ADAM10: variants seen among roughly 807,000 people sequenced by gnomAD.
ADAM10 encodes ADAM metallopeptidase domain 10.
Under a neutral mutation model 90.1 loss-of-function variants are expected in ADAM10, and 17 were observed. The observed-to-expected ratio is 0.19, with a 90% CI of 0.13 to 0.28. The LOEUF is 0.28. ADAM10 is among the 10% of genes least tolerant of loss of function. The pLI is 1.00. For synonymous variants in ADAM10, 310 were observed against 298.6 expected, an observed-to-expected ratio of 1.04 and a Z score of -0.40; for missense variants, 610 against 914.3, an observed-to-expected ratio of 0.67 and a Z score of 4.29.
intron 11 of ADAM10, among the ~76,000 whole-genome samples, chr15:58,617,887 C>T (rs1472787823): frequency 6.9e-6 from 1 of 144,656 alleles, no homozygotes; most frequent in African/African-American, 2.7e-5. Flanking sequence ...ATGAAAGAAA[C>T]TGAACAAGTC....
chr15:58,621,933 A>G (rs1327764587), intron 10 of ADAM10, among the ~76,000 whole-genome samples: 1 of 152,166 alleles, frequency 6.6e-6, no homozygotes, highest in East Asian at 1.9e-4. Context: ...TTCTATTCAT[A>G]TCACACAAAT....
intron 9 of ADAM10, among the ~76,000 whole-genome samples, chr15:58,629,813 C>T (rs866846812): frequency 2.1e-4 from 32 of 152,084 alleles, no homozygotes; most frequent in African/African-American, 7.0e-4. Context: ...CACTCTGTCC[C>T]CCAGGCTGGA....
intron 2 of ADAM10, among the ~76,000 whole-genome samples, chr15:58,682,577 GGTAA>G (rs1345709440): frequency 1.3e-5 from 2 of 151,968 alleles, no homozygotes; most frequent in Non-Finnish European, 2.9e-5. Context: ...ATTCTTACAT[GGTAA>G]AACAAGATAT....
chr15:58,727,169 G>A (rs1899059179), intron 1 of ADAM10, among the ~76,000 whole-genome samples: 2 of 136,952 alleles, frequency 1.5e-5, no homozygotes, highest in Admixed American at 1.5e-4. Context: ...TGCCATGCCT[G>A]ACTAATCTTT....
chr15:58,736,402 T>C (rs975996978), intron 1 of ADAM10, among the ~76,000 whole-genome samples: 4 of 151,770 alleles, frequency 2.6e-5, no homozygotes, highest in Admixed American at 1.3e-4. Context: ...ATAAGCCCCA[T>C]GGGAAATCTG....
At chr15:58,646,839 T>A (rs1896559712) in intron 5 of ADAM10, among the ~76,000 whole-genome samples, 1 of 152,192 alleles carries the variant, frequency 6.6e-6, no homozygotes, top group African/African-American at 2.4e-5. Flanking sequence ...TACTTAACTA[T>A]CCAGCTTTTC....
chr15:58,710,051 G>A (rs1252226250), intron 2 of ADAM10, among the ~76,000 whole-genome samples: 1 of 152,162 alleles, frequency 6.6e-6, no homozygotes, highest in African/African-American at 2.4e-5. Flanking sequence ...AGGAGGCCAA[G>A]GCAGGCGGAT....
intron 4 of ADAM10, among the ~76,000 whole-genome samples, chr15:58,675,013 T>C (rs886884393): frequency 1.3e-5 from 2 of 152,124 alleles, no homozygotes; most frequent in Non-Finnish European, 2.9e-5. Flanking sequence ...CTGGCCAACA[T>C]GGTGAAACCC....
intron 1 of ADAM10, chr15:58,749,053 G>A: frequency 2.5e-6 from 1 of 398,942 alleles, no homozygotes; most frequent in Non-Finnish European, 4.4e-6. Flanking sequence ...GAGGAATGGT[G>A]AGCAGGATGA....
At chr15:58,616,924 C>T (rs1423199061) in intron 11 of ADAM10, among the ~76,000 whole-genome samples, 1 of 151,872 alleles carries the variant, frequency 6.6e-6, no homozygotes, top group African/African-American at 2.4e-5. Flanking sequence ...CTGGCTAACA[C>T]GGTGAAACCC....
Position 58,597,075 on chromosome 15 carries a change from G to GT in ADAM10, c.*471dup. On this transcript the variant is annotated 3_prime_UTR_variant, in exon 16 of 16. Coordinates refer to ENST00000260408, the MANE Select transcript of ADAM10 (RefSeq NM_001110.4). ...AATTGCACACAGAAGTACAGTGTACGTAAGAAATACATGTCTGCATATAAC... is the reference window on the plus strand; with the variant it reads ...AATTGCACACAGAAGTACAGTGTACGTTAAGAAATACATGTCTGCATATAAC... The GT allele has an allele frequency of 3.8e-6, 1 of 261,120 alleles. No individual in the cohort carries two copies. The highest frequency in any genetic ancestry group is 7.5e-6 in the Non-Finnish European group (1 of 133,980). The allele number at this position is 261,120 out of a possible 1,614,324, so 16.2% of individuals were successfully genotyped here. A position where few individuals can be genotyped will look rare whatever the true frequency, so the allele number is the denominator to read the frequency against.
chr15:58,616,180 C>T (rs868754087), intron 11 of ADAM10, among the ~76,000 whole-genome samples: 4 of 152,090 alleles, frequency 2.6e-5, no homozygotes, highest in Admixed American at 2.0e-4. Flanking sequence ...AATAAAGTAA[C>T]GGTTGGAGAC....
intron 2 of ADAM10, among the ~76,000 whole-genome samples, chr15:58,707,544 A>T (rs1160166390): frequency 6.6e-6 from 1 of 152,210 alleles, no homozygotes; most frequent in Non-Finnish European, 1.5e-5. Flanking sequence ...AAAACTTAAA[A>T]TGAGTAACTT....
intron 14 of ADAM10, among the ~76,000 whole-genome samples, chr15:58,602,700 T>TTTGA (rs1895146532): frequency 6.6e-6 from 1 of 152,254 alleles, no homozygotes; most frequent in Admixed American, 6.5e-5. Flanking sequence ...GTGTCATTTC[T>TTTGA]CAGTCTTATT....
chr15:58,646,718 T>C (rs1302616433), intron 5 of ADAM10, among the ~76,000 whole-genome samples: 10 of 152,254 alleles, frequency 6.6e-5, no homozygotes, highest in African/African-American at 9.6e-5. Context: ...AAACGCAAAT[T>C]TGAATATGTC....
At chr15:58,694,294 T>C (rs541712613) in intron 2 of ADAM10, among the ~76,000 whole-genome samples, 2 of 152,190 alleles carry the variant, frequency 1.3e-5, no homozygotes, top group East Asian at 3.9e-4. Flanking sequence ...GTACTAAACA[T>C]ACAACAATTA....
At chr15:58,742,567 C>T (rs1899649935) in intron 1 of ADAM10, among the ~76,000 whole-genome samples, 1 of 152,210 alleles carries the variant, frequency 6.6e-6, no homozygotes, top group South Asian at 2.1e-4. Flanking sequence ...ATTCTCAGCA[C>T]CGCTATTTCC....
intron 2 of ADAM10, among the ~76,000 whole-genome samples, chr15:58,716,526 T>C (rs1445930720): frequency 1.3e-5 from 2 of 152,346 alleles, no homozygotes; most frequent in East Asian, 3.9e-4. Flanking sequence ...AAGATCATTC[T>C]GGGTGAAATA....
intron 1 of ADAM10, among the ~76,000 whole-genome samples, chr15:58,729,007 AT>A (rs1243607453): frequency 2.0e-5 from 3 of 152,194 alleles, no homozygotes; most frequent in Non-Finnish European, 2.9e-5. Context: ...CAACTAAGCC[AT>A]TTTCAAGAAC....
Sources: allele counts gnomAD v4.1 joint callset (sites outside exome capture counted in the v4.1 genomes callset), GRCh38; gene constraint gnomAD v4.1.1; transcripts MANE v1.5; gene names NCBI Gene and HGNC (gene_info 2026-07-23, HGNC 2026-07-21).